AGAP1: variants seen among roughly 807,000 people sequenced by gnomAD.
The protein encoded by AGAP1 is arf-GAP with GTPase, ANK repeat and PH domain-containing protein 1.
A neutral mutation model predicts 105.3 loss-of-function variants in AGAP1; 29 were observed. The observed-to-expected ratio is 0.28, with a 90% CI of 0.21 to 0.38. The LOEUF (loss-of-function observed/expected upper bound fraction) is 0.38. AGAP1 is among the 10% of genes least tolerant of loss of function. The probability of loss-of-function intolerance (pLI) is 1.00; values close to 1 mark genes in which losing one functional copy is unlikely to be tolerated. For missense variants in AGAP1, 998 were observed against 1,165.1 expected, an observed-to-expected ratio of 0.86 and a Z score of 2.09; for synonymous variants, 509 against 485.9, an observed-to-expected ratio of 1.05 and a Z score of -0.63.
intron 13 of AGAP1, among the ~76,000 whole-genome samples, chr2:236,011,520 C>G (rs1045987117): frequency 6.6e-5 from 10 of 152,210 alleles, no homozygotes; most frequent in African/African-American, 2.4e-4. Context: ...ACCAAAGAGA[C>G]TTTTGCTTAC....
chr2:235,807,202 C>A lies in AGAP1; in HGVS notation c.958-37C>A, dbSNP rs200280947. ...GCAGAGCCCCGTCTGTGAACCACAG[C>A]CCTTACCCAGATGCCAACTTTCCTT... On this transcript the variant is annotated intron_variant, in intron 8 of 17. Coordinates refer to ENST00000304032, the MANE Select transcript of AGAP1 (RefSeq NM_001037131.3). 2.3e-4 allele frequency: 374 copies of A among 1,596,446 alleles called. 1 individual carries two copies. Among genetic ancestry groups the A allele is most frequent in the Middle Eastern group, 2.0e-3 (12 of 6,008 alleles).
At chr2:236,081,379 C>T (rs546050231) in intron 16 of AGAP1, among the ~76,000 whole-genome samples, 85 of 152,256 alleles carry the variant, frequency 5.6e-4, no homozygotes, top group African/African-American at 1.8e-3. Flanking sequence ...AGAAAATGGC[C>T]GGGGTGCGTG....
chr2:235,742,345 G>A (rs917031221), intron 4 of AGAP1, among the ~76,000 whole-genome samples: 7 of 152,152 alleles, frequency 4.6e-5, no homozygotes, highest in Non-Finnish European at 8.8e-5. Context: ...ACCAGTATTC[G>A]AAAGAAGGAT....
chr2:235,534,211 C>T (rs949516437), intron 1 of AGAP1, among the ~76,000 whole-genome samples: 5 of 152,152 alleles, frequency 3.3e-5, no homozygotes, highest in Non-Finnish European at 7.3e-5. Context: ...GCCAGATGGT[C>T]GGTGTTCTTT....
At chr2:236,016,381 C>CTTTTTTTTTTTTTTTTTTTTTTT in intron 13 of AGAP1, among the ~76,000 whole-genome samples, 1 of 114,676 alleles carries the variant, frequency 8.7e-6, no homozygotes, top group Non-Finnish European at 1.8e-5. Flanking sequence ...GTTGGGTTTG[C>CTTTTTTTTTTTTTTTTTTTTTTT]TTTTTTTTTT....
At chr2:235,516,180 C>T (rs1942379027) in intron 1 of AGAP1, among the ~76,000 whole-genome samples, 1 of 152,116 alleles carries the variant, frequency 6.6e-6, no homozygotes, top group South Asian at 2.1e-4. Context: ...CTTCCCATCC[C>T]TCTGGGCACG....
intron 9 of AGAP1, among the ~76,000 whole-genome samples, chr2:235,839,947 T>G (rs781376505): frequency 6.6e-6 from 1 of 152,174 alleles, no homozygotes; most frequent in Non-Finnish European, 1.5e-5. Flanking sequence ...AGAAAGTCAA[T>G]GAAGGGAGGC....
intron 1 of AGAP1, among the ~76,000 whole-genome samples, chr2:235,653,080 G>C (rs1202955136): frequency 6.6e-6 from 1 of 152,122 alleles, no homozygotes; most frequent in African/African-American, 2.4e-5. Context: ...GTCTGGCCTT[G>C]GGCAAGACAC....
At position 236,126,540 on chromosome 2, in the gene AGAP1, T is replaced by C. The variant is rs2060007187; in HGVS notation, c.*2418T>C. The C allele has an allele frequency of 6.6e-6, 1 of 152,166 alleles. No homozygotes were observed. Among genetic ancestry groups the C allele is most frequent in the Admixed American group, 6.5e-5 (1 of 15,272 alleles). 9.4% of individuals were successfully genotyped at this position (152,166 alleles called of 1,614,324 possible). ...CATATTATTCTATGTGTTTATAATA[T>C]AATATTTTCCCAAATGACTTCTTGT... On this transcript the variant is annotated 3_prime_UTR_variant, in exon 18 of 18. Transcript: ENST00000304032.
intron 16 of AGAP1, among the ~76,000 whole-genome samples, chr2:236,077,987 T>G (rs928116192): frequency 1.3e-5 from 2 of 152,048 alleles, no homozygotes; most frequent in Non-Finnish European, 2.9e-5. Context: ...GTCTTTGCTC[T>G]GCTCACAGCC....
At position 235,577,039 on chromosome 2, in the gene AGAP1, C is replaced by T. The variant is rs376831251; in HGVS notation, c.163+82190C>T. ...CCAAACTCTACCTCTGCATCTTCAC[C>T]AAGAAAAGCATTTCTGTTGTCCTGA... On this transcript the variant is annotated intron_variant, in intron 1 of 17. Coordinates refer to ENST00000304032, the MANE Select transcript of AGAP1 (RefSeq NM_001037131.3). This position sits in a 1 kb window ranked among gnomAD's most constrained non-coding sequence, Gnocchi z 4.5. Among the ~76,000 whole-genome samples the T allele has an allele frequency of 2.0e-5, 3 of 152,202 alleles. No individual in the cohort carries two copies. The highest frequency in any genetic ancestry group is 4.4e-5 in the Non-Finnish European group (3 of 68,038).
At chr2:236,013,770 C>A (rs1253390570) in intron 13 of AGAP1, among the ~76,000 whole-genome samples, 1 of 152,226 alleles carries the variant, frequency 6.6e-6, no homozygotes, top group Non-Finnish European at 1.5e-5. Flanking sequence ...CACCTGCCTG[C>A]ACGGCAGTCC....
In AGAP1 at chr2:235,930,720, G is replaced by C; in HGVS notation, c.1325-45G>C. The stretch of plus-strand genomic sequence containing the variant: ...TAGACTAACTCGCGCTGGTTTCTGT[G>C]GTCTGCAGTCCGCGGTGGTGTTCAC... On this transcript the variant is annotated intron_variant, in intron 11 of 17. Coordinates refer to ENST00000304032, the MANE Select transcript of AGAP1 (RefSeq NM_001037131.3). This position sits in a 1 kb window ranked among gnomAD's most constrained non-coding sequence, Gnocchi z 7.9. 6.3e-7 allele frequency: 1 copy of C among 1,589,978 alleles called. No individual in the cohort carries two copies. The highest frequency in any genetic ancestry group is 8.6e-7 in the Non-Finnish European group (1 of 1,167,648).
At chr2:235,511,418 G>GGCTCAGCCA (rs1942105244) in intron 1 of AGAP1, among the ~76,000 whole-genome samples, 1 of 152,128 alleles carries the variant, frequency 6.6e-6, no homozygotes, top group Non-Finnish European at 1.5e-5. Context: ...AGCCGCAGGG[G>GGCTCAGCCA]GCTCAGCCAG....
chr2:235,812,089 C>T (rs150394598), intron 9 of AGAP1, among the ~76,000 whole-genome samples: 50 of 152,196 alleles, frequency 3.3e-4, no homozygotes, highest in Admixed American at 5.9e-4. Context: ...CAGGGCGCTG[C>T]GGGGGACCCT....
chr2:235,711,475 G>A (rs1003476412), intron 2 of AGAP1, among the ~76,000 whole-genome samples: 2 of 152,238 alleles, frequency 1.3e-5, no homozygotes, highest in African/African-American at 4.8e-5. Context: ...GGAGACAGTT[G>A]CGTTTGAGGC....
intron 6 of AGAP1, among the ~76,000 whole-genome samples, chr2:235,779,601 C>T (rs1956132616): frequency 6.6e-6 from 1 of 152,198 alleles, no homozygotes; most frequent in Admixed American, 6.5e-5. Flanking sequence ...AAGCGGAGGC[C>T]ACTAGATGGC....
At chr2:235,544,069 T>C (rs1000602801) in intron 1 of AGAP1, among the ~76,000 whole-genome samples, 1 of 152,190 alleles carries the variant, frequency 6.6e-6, no homozygotes, top group African/African-American at 2.4e-5. Context: ...TAAACAAGCA[T>C]GTTTGAATGC....
Position 236,096,594 on chromosome 2 carries a change from T to C in AGAP1, c.2115-23598T>C, listed in dbSNP as rs1308967200. On this transcript the variant is annotated intron_variant, in intron 16 of 17. Transcript: ENST00000304032. This position sits in a 1 kb window ranked among gnomAD's most constrained non-coding sequence, Gnocchi z 4.4. ...TATTTTTTATTTATTTTTTATTTTT[T>C]TGGGACAGAGTCTCGCTCTTGTCAC... Among the ~76,000 whole-genome samples, 1 of 152,032 alleles carries C rather than the reference T, an allele frequency of 6.6e-6. No homozygotes were observed. Among genetic ancestry groups the C allele is most frequent in the African/African-American group, 2.4e-5 (1 of 41,396 alleles).
Sources: allele counts gnomAD v4.1 joint callset (sites outside exome capture counted in the v4.1 genomes callset), GRCh38; gene constraint gnomAD v4.1.1; non-coding constraint Gnocchi (gnomAD v3.1); transcripts MANE v1.5; gene names NCBI Gene and HGNC (gene_info 2026-07-23, HGNC 2026-07-21).